The following LRP1B variants were observed in gnomAD, a reference collection of about 807,000 sequenced individuals.
The protein encoded by LRP1B is LDL receptor related protein 1B, also known as low-density lipoprotein receptor-related protein 1B.
A neutral mutation model predicts 556.6 loss-of-function variants in LRP1B; 217 were observed. The ratio of observed to expected loss-of-function variants is 0.39; its 90% CI spans 0.35 to 0.44. The LOEUF (loss-of-function observed/expected upper bound fraction) is 0.44, where lower values mean the gene tolerates loss of function less well. Ranked by LOEUF, LRP1B falls within the 20% of genes least tolerant of loss-of-function variation. LRP1B has a pLI of 1.00. For missense variants in LRP1B, 5,053 were observed against 5,620.8 expected, an observed-to-expected ratio of 0.90 and a Z score of 3.23; for synonymous variants, 2,047 against 1,865.8, an observed-to-expected ratio of 1.10 and a Z score of -2.50.
intron 45 of LRP1B, among the ~76,000 whole-genome samples, chr2:140,539,748 T>C (rs16844206): frequency 0.026 from 3,915 of 152,180 alleles, 54 homozygotes; most frequent in African/African-American, 0.034. Flanking sequence ...AAAGGCAAAC[T>C]GAAAGAGTTT....
chr2:140,929,970 A>G (rs1213835164), intron 20 of LRP1B, among the ~76,000 whole-genome samples: 2 of 152,048 alleles, frequency 1.3e-5, no homozygotes, highest in Admixed American at 1.3e-4. Flanking sequence ...CTTCTCGCCA[A>G]ATTTGAAATC....
chr2:140,890,490 T>G (rs1445788689), intron 23 of LRP1B, among the ~76,000 whole-genome samples: 1 of 152,192 alleles, frequency 6.6e-6, no homozygotes, highest in Non-Finnish European at 1.5e-5. Flanking sequence ...AATCTTTTCA[T>G]GTTCTTGTAT....
intron 3 of LRP1B, among the ~76,000 whole-genome samples, chr2:141,407,871 A>G (rs1402675985): frequency 6.6e-6 from 1 of 152,178 alleles, no homozygotes; most frequent in African/African-American, 2.4e-5. Context: ...TAATATCCAG[A>G]GAAACTTTAT....
chr2:141,511,579 G>A (rs1305235313), intron 2 of LRP1B, among the ~76,000 whole-genome samples: 1 of 151,980 alleles, frequency 6.6e-6, no homozygotes, highest in Non-Finnish European at 1.5e-5. Flanking sequence ...ATGTTGTGTT[G>A]GTAAAACATT....
intron 7 of LRP1B, among the ~76,000 whole-genome samples, chr2:141,181,160 C>T (rs1341525844): frequency 6.6e-6 from 1 of 151,890 alleles, no homozygotes; most frequent in African/African-American, 2.4e-5. Context: ...TTTGGGAGCT[C>T]TTGTACACTT....
intron 2 of LRP1B, among the ~76,000 whole-genome samples, chr2:141,789,963 A>G (rs555625186): frequency 6.6e-6 from 1 of 152,088 alleles, no homozygotes; most frequent in East Asian, 1.9e-4. Flanking sequence ...AGCACTCTAT[A>G]GTCCCTGAAG....
chr2:141,691,216 C>T (rs116441628), intron 2 of LRP1B, among the ~76,000 whole-genome samples: 1,805 of 151,904 alleles, frequency 0.012, 29 homozygotes, highest in Non-Finnish European at 0.014. Context: ...TATTAGATGT[C>T]AGCTGAAAAA....
chr2:141,197,298 C>A (rs1036893153), intron 6 of LRP1B, among the ~76,000 whole-genome samples: 9 of 152,100 alleles, frequency 5.9e-5, no homozygotes, highest in African/African-American at 1.9e-4. Flanking sequence ...AAAAACCCTA[C>A]CTTCATTGGT....
At chr2:140,536,020 T>C (rs542200989) in intron 46 of LRP1B, among the ~76,000 whole-genome samples, 5 of 152,084 alleles carry the variant, frequency 3.3e-5, no homozygotes, top group Non-Finnish European at 7.4e-5. Context: ...GAAACTCTGC[T>C]TCAGAGTAAG....
At chr2:140,836,386 T>A (rs1015723595) in intron 31 of LRP1B, among the ~76,000 whole-genome samples, 26 of 152,214 alleles carry the variant, frequency 1.7e-4, no homozygotes, top group Non-Finnish European at 3.8e-4. Flanking sequence ...AATAACATTT[T>A]TTTCCCAACC....
At chr2:141,453,299 T>C (rs939987272) in intron 3 of LRP1B, among the ~76,000 whole-genome samples, 1 of 152,172 alleles carries the variant, frequency 6.6e-6, no homozygotes, top group Non-Finnish European at 1.5e-5. Flanking sequence ...AATACATATT[T>C]AGATATTCTT....
At chr2:141,992,529 T>G (rs1486432423) in intron 1 of LRP1B, among the ~76,000 whole-genome samples, 1 of 152,168 alleles carries the variant, frequency 6.6e-6, no homozygotes, top group African/African-American at 2.4e-5. Context: ...TGTAATTTAG[T>G]GTCTCAACTT....
At chr2:141,192,552 T>G (rs1681562654) in intron 6 of LRP1B, among the ~76,000 whole-genome samples, 3 of 151,886 alleles carry the variant, frequency 2.0e-5, no homozygotes, top group South Asian at 4.1e-4. Flanking sequence ...GGAACAAAAT[T>G]TTAAATATTT....
intron 7 of LRP1B, among the ~76,000 whole-genome samples, chr2:141,067,530 C>T (rs1442187277): frequency 1.3e-5 from 2 of 152,006 alleles, no homozygotes; most frequent in Admixed American, 6.6e-5. Flanking sequence ...ATTCTGGAAA[C>T]ATTCCCACTA....
At chr2:140,825,162 A>T (rs115901387) in intron 31 of LRP1B, among the ~76,000 whole-genome samples, 1 of 152,172 alleles carries the variant, frequency 6.6e-6, no homozygotes, top group Non-Finnish European at 1.5e-5. Flanking sequence ...TTCTTGGAAA[A>T]CAACACTTGG....
intron 1 of LRP1B, among the ~76,000 whole-genome samples, chr2:142,101,929 G>T (rs1706580565): frequency 6.6e-6 from 1 of 151,868 alleles, no homozygotes; most frequent in Non-Finnish European, 1.5e-5. Flanking sequence ...CCTCCCATTG[G>T]CTCTGAGATA....
intron 2 of LRP1B, among the ~76,000 whole-genome samples, chr2:141,537,100 A>C (rs150825341): frequency 6.6e-6 from 1 of 152,086 alleles, no homozygotes; most frequent in Admixed American, 6.6e-5. Flanking sequence ...AACTAAGAGC[A>C]CATGCCTCTT....
At position 142,131,015 on chromosome 2, in the gene LRP1B, C is replaced by T; in HGVS notation, c.-286G>A. ...CTTGACTTTTCAATGCAGGGTACGTCTGATCTTACATCACGCAAGAGGGGC... is the reference window on the plus strand; with the variant it reads ...CTTGACTTTTCAATGCAGGGTACGTTTGATCTTACATCACGCAAGAGGGGC... On this transcript the variant is annotated 5_prime_UTR_variant, in exon 1 of 91. Coordinates refer to ENST00000389484, the MANE Select transcript of LRP1B (RefSeq NM_018557.3). The T allele has an allele frequency of 2.0e-6, 1 of 500,930 alleles. No individual in the cohort carries two copies. The highest frequency in any genetic ancestry group is 3.7e-6 in the Non-Finnish European group (1 of 272,822). 31.0% of individuals were successfully genotyped at this position (500,930 alleles called of 1,614,324 possible).
chr2:140,789,255 A>G (rs1056110395), intron 32 of LRP1B, among the ~76,000 whole-genome samples: 3 of 152,108 alleles, frequency 2.0e-5, no homozygotes, highest in Non-Finnish European at 2.9e-5. Context: ...GAGTGTGAAT[A>G]TTACCTTAAC....
Sources: allele counts gnomAD v4.1 joint callset (sites outside exome capture counted in the v4.1 genomes callset), GRCh38; gene constraint gnomAD v4.1.1; transcripts MANE v1.5; gene names NCBI Gene and HGNC (gene_info 2026-07-23, HGNC 2026-07-21).